Variants in ARMH3 observed in about 807,000 individuals in gnomAD.
ARMH3 encodes the protein armadillo-like helical domain-containing protein 3.
ARMH3 carries 60 observed loss-of-function variants against 99.1 expected under a neutral mutation model. That is an observed-to-expected ratio of 0.61 (90% CI 0.49 to 0.75). The LOEUF (loss-of-function observed/expected upper bound fraction) is 0.75, where lower values mean the gene tolerates loss of function less well. Among genes scored for constraint, ARMH3 ranks in the 30% least tolerant of loss-of-function variants. ARMH3 has a pLI of 0.00. For missense variants in ARMH3, 679 were observed against 843.1 expected, an observed-to-expected ratio of 0.81 and a Z score of 2.41; for synonymous variants, 285 against 292.8, an observed-to-expected ratio of 0.97 and a Z score of 0.27.
At position 102,009,996 on chromosome 10, in the gene ARMH3, G is replaced by T. The variant is rs2066595306; in HGVS notation, c.859C>A (p.His287Asn). ...MVGSMFIADA[H>N]EKISVQTNEA... ...ACTTACTGTACTGAGATTTTCTCAT[G>T]GGCATCTGCTATGAACATGCTGCCC... The change falls in exon 12 of 26, where the codon CAT becomes AAT. Residue 287 changes from histidine to asparagine, a missense_variant. By Grantham distance (68) the His-to-Asn change is moderately conservative. Transcript: ENST00000370033. 6.2e-7 allele frequency: 1 copy of T among 1,613,978 alleles called. No individual in the cohort carries two copies. Among genetic ancestry groups the T allele is most frequent in the East Asian group, 2.2e-5 (1 of 44,880 alleles).
intron 24 of ARMH3, among the ~76,000 whole-genome samples, chr10:101,861,966 G>A (rs571789395): frequency 4.9e-5 from 7 of 143,040 alleles, no homozygotes; most frequent in Non-Finnish European, 1.1e-4. Flanking sequence ...GGAGAATGGT[G>A]TGAACCTGGG....
At chr10:101,976,168 CAAAAAAAAAAA>C (rs780547260) in intron 19 of ARMH3, among the ~76,000 whole-genome samples, 2 of 23,188 alleles carry the variant, frequency 8.6e-5, no homozygotes, top group African/African-American at 3.4e-4. Flanking sequence ...GACTCTGTCT[CAAAAAAAAAAA>C]AAAAAAAAAA....
Position 101,878,834 on chromosome 10 carries a change from T to TA in ARMH3, c.1860+10577dup, listed in dbSNP as rs77310257. 1.6e-3 allele frequency among the ~76,000 whole-genome samples: 226 copies of TA among 142,424 alleles called. 1 individual carries two copies. The highest frequency in any genetic ancestry group is 3.1e-3 in the African/African-American group (122 of 39,008). 93.4% of individuals were successfully genotyped at this position (142,424 alleles called of 152,430 possible). ...AGAACAAGACCTTGTCTCTAAAAAT[T>TA]AAAAAAAAAAAAAATTAAGTCATCA... On this transcript the variant is annotated intron_variant, in intron 24 of 25. Coordinates refer to ENST00000370033, the MANE Select transcript of ARMH3 (RefSeq NM_024541.3).
chr10:101,931,518 T>C (rs1843721489), intron 23 of ARMH3, among the ~76,000 whole-genome samples: 1 of 149,066 alleles, frequency 6.7e-6, no homozygotes, highest in Non-Finnish European at 1.5e-5. Context: ...AGAACAAAAC[T>C]GTCACAAAAA....
At chr10:101,864,083 A>G (rs1176431912) in intron 24 of ARMH3, among the ~76,000 whole-genome samples, 1 of 129,184 alleles carries the variant, frequency 7.7e-6, no homozygotes, top group African/African-American at 3.1e-5. Context: ...AAAAAAACAC[A>G]CACACACACA....
intron 25 of ARMH3, 119 bp from the exon 26 acceptor site, chr10:101,847,739 A>C: frequency 1.1e-6 from 1 of 879,626 alleles, no homozygotes; most frequent in Middle Eastern, 2.2e-4. Flanking sequence ...TCTCTCTCTT[A>C]GGAAATGAAC....
chr10:101,919,493 C>A (rs964577973), intron 23 of ARMH3, among the ~76,000 whole-genome samples: 1 of 152,296 alleles, frequency 6.6e-6, no homozygotes. Context: ...ATAGTCCCAT[C>A]TCTCGCTGAC....
At chr10:101,915,303 T>C (rs996272260) in intron 23 of ARMH3, among the ~76,000 whole-genome samples, 1 of 152,178 alleles carries the variant, frequency 6.6e-6, no homozygotes, top group Non-Finnish European at 1.5e-5. Flanking sequence ...GGGACATTTG[T>C]TCAGCAAGTC....
At chr10:101,918,274 G>A (rs80069598) in intron 23 of ARMH3, among the ~76,000 whole-genome samples, 1 of 152,094 alleles carries the variant, frequency 6.6e-6, no homozygotes, top group Non-Finnish European at 1.5e-5. Context: ...GGCTGGTCTC[G>A]AACTCCTGAC....
chr10:102,040,927 G>A (rs1201745278), intron 1 of ARMH3, among the ~76,000 whole-genome samples: 3 of 151,816 alleles, frequency 2.0e-5, no homozygotes, highest in Non-Finnish European at 4.4e-5. Flanking sequence ...GGCCTTTACT[G>A]CCTCATAAAT....
At chr10:101,905,143 C>T (rs1371767791) in intron 23 of ARMH3, among the ~76,000 whole-genome samples, 1 of 152,060 alleles carries the variant, frequency 6.6e-6, no homozygotes, top group Non-Finnish European at 1.5e-5. Context: ...TTGGGAAACA[C>T]AATCAGAAGC....
intron 23 of ARMH3, among the ~76,000 whole-genome samples, chr10:101,924,262 T>G (rs1483515673): frequency 6.6e-6 from 1 of 152,102 alleles, no homozygotes; most frequent in East Asian, 1.9e-4. Context: ...GAACTGTAGA[T>G]GTTCAGAGGG....
intron 24 of ARMH3, among the ~76,000 whole-genome samples, chr10:101,871,049 A>G (rs1401173045): frequency 1.3e-5 from 2 of 152,238 alleles, no homozygotes; most frequent in African/African-American, 4.8e-5. Flanking sequence ...ATATTTCCAT[A>G]AACTAGCAAC....
chr10:102,031,962 T>A (rs1199942792), intron 4 of ARMH3, among the ~76,000 whole-genome samples: 1 of 152,106 alleles, frequency 6.6e-6, no homozygotes, highest in Non-Finnish European at 1.5e-5. Flanking sequence ...ATGGTCTCGA[T>A]CTCCTGATCT....
chr10:101,937,980 C>G (rs945023601), intron 23 of ARMH3, among the ~76,000 whole-genome samples: 1 of 152,188 alleles, frequency 6.6e-6, no homozygotes, highest in Non-Finnish European at 1.5e-5. Flanking sequence ...CCTCCCACCT[C>G]AGGATCCTGA....
At chr10:102,036,688 G>C (rs1299268011) in intron 2 of ARMH3, among the ~76,000 whole-genome samples, 1 of 151,942 alleles carries the variant, frequency 6.6e-6, no homozygotes, top group Admixed American at 6.6e-5. Flanking sequence ...GGCTCGTTAA[G>C]AGTCATCACC....
At chr10:101,948,961 T>A (rs545347721) in intron 22 of ARMH3, among the ~76,000 whole-genome samples, 1 of 152,146 alleles carries the variant, frequency 6.6e-6, no homozygotes, top group African/African-American at 2.4e-5. Context: ...CCCCAAGTAT[T>A]TGAAAATTAA....
intron 24 of ARMH3, among the ~76,000 whole-genome samples, chr10:101,865,905 A>G (rs1229803379): frequency 1.3e-5 from 2 of 151,848 alleles, no homozygotes; most frequent in Admixed American, 6.6e-5. Flanking sequence ...CCTCTCTCCA[A>G]TAAATTGTGT....
chr10:101,995,400 A>T, intron 15 of ARMH3, 45 bp from the exon 16 acceptor site: 1 of 1,500,132 alleles, frequency 6.7e-7, no homozygotes, highest in Non-Finnish European at 9.3e-7. Context: ...ATCCAGATTT[A>T]CATCATCTGT....
Sources: gnomAD v4.1 joint callset for allele counts (sites outside exome capture counted in the v4.1 genomes callset) on GRCh38, gnomAD v4.1.1 for gene constraint, MANE v1.5 for transcripts, NCBI Gene and HGNC (gene_info 2026-07-23, HGNC 2026-07-21) for gene names.